Variants in ELP3 observed in about 807,000 individuals in gnomAD.
The protein encoded by ELP3 is elongator acetyltransferase complex subunit 3, also known as elongator complex protein 3.
A neutral mutation model predicts 74.9 loss-of-function variants in ELP3; 56 were observed. That is an observed-to-expected ratio of 0.75 (90% CI 0.60 to 0.93). ELP3 has a LOEUF of 0.93. Ranked by LOEUF, ELP3 falls within the 40% of genes least tolerant of loss-of-function variation. The pLI is 0.00. For synonymous variants in ELP3, 222 were observed against 239.8 expected (o/e 0.93, Z 0.68); for missense variants, 573 against 686.5 (o/e 0.83, Z 1.85).
intron 7 of ELP3, among the ~76,000 whole-genome samples, chr8:28,117,441 C>T (rs1443618474): frequency 2.0e-5 from 3 of 152,082 alleles, no homozygotes; most frequent in Admixed American, 6.6e-5. Context: ...GTAGAAAAAG[C>T]CCTGTGGAAG....
At chr8:28,169,416 C>G (rs1814431615) in intron 14 of ELP3, among the ~76,000 whole-genome samples, 2 of 152,170 alleles carry the variant, frequency 1.3e-5, no homozygotes, top group Admixed American at 1.3e-4. Context: ...AGGGCCTCAG[C>G]TGGGGTGGCT....
chr8:28,182,522 T>C (rs1815056833), intron 14 of ELP3, among the ~76,000 whole-genome samples: 1 of 152,116 alleles, frequency 6.6e-6, no homozygotes, highest in Non-Finnish European at 1.5e-5. Flanking sequence ...GATCACGCCA[T>C]TGCACTCCAG....
chr8:28,167,893 A>G, intron 14 of ELP3, among the ~76,000 whole-genome samples: 1 of 152,366 alleles, frequency 6.6e-6, no homozygotes, highest in East Asian at 1.9e-4. Flanking sequence ...CAATGGATAC[A>G]ATATAAAGTA....
chr8:28,090,805 T>A (rs1811031907), upstream of ELP3, among the ~76,000 whole-genome samples: 1 of 152,032 alleles, frequency 6.6e-6, no homozygotes, highest in Non-Finnish European at 1.5e-5. Flanking sequence ...CAGAAAGGAA[T>A]GTCTGGGTTA....
chr8:28,098,579 A>C (rs1811348413), intron 2 of ELP3, among the ~76,000 whole-genome samples: 1 of 152,110 alleles, frequency 6.6e-6, no homozygotes, highest in South Asian at 2.1e-4. Context: ...AATTTAGCAC[A>C]TCTAAAGCTA....
upstream of ELP3, among the ~76,000 whole-genome samples, chr8:28,092,670 G>A (rs1432869989): frequency 1.0e-4 from 15 of 148,378 alleles, no homozygotes; most frequent in Non-Finnish European, 2.2e-4. Flanking sequence ...GTGACCACCT[G>A]GTCCCAAAGC....
rs1585693353 is a variant in ELP3, at chr8:28,137,893, T to A, written c.1100+2T>A. The stretch of plus-strand genomic sequence containing the variant: ...GACTCGAGTGTACCGAGTACAGAGG[T>A]AGTGTGTTATCTTTTATTCCTAAAA... On this transcript the variant is annotated splice_donor_variant, in intron 10 of 14. Coordinates refer to ENST00000256398, the MANE Select transcript of ELP3 (RefSeq NM_018091.6). LOFTEE classifies it high-confidence loss of function. 1.3e-6 allele frequency: 2 copies of A among 1,581,530 alleles called. No individual in the cohort carries two copies.
intron 10 of ELP3, among the ~76,000 whole-genome samples, chr8:28,139,746 A>T (rs1585696813): frequency 6.6e-6 from 1 of 152,126 alleles, no homozygotes; most frequent in African/African-American, 2.4e-5. Context: ...GGAGTTCGAG[A>T]CCAGCCTGGC....
chr8:28,163,083 C>G (rs1334941290), intron 14 of ELP3, among the ~76,000 whole-genome samples: 1 of 152,184 alleles, frequency 6.6e-6, no homozygotes, highest in Non-Finnish European at 1.5e-5. Flanking sequence ...CATTCCTTAT[C>G]TAGGACAGCA....
chr8:28,151,511 C>T (rs1018529853), intron 10 of ELP3, among the ~76,000 whole-genome samples: 2 of 152,100 alleles, frequency 1.3e-5, no homozygotes, highest in East Asian at 1.9e-4. Flanking sequence ...TCTTCATAGT[C>T]GGACATATAA....
At chr8:28,178,835 G>T (rs187971144) in intron 14 of ELP3, among the ~76,000 whole-genome samples, 2 of 152,224 alleles carry the variant, frequency 1.3e-5, no homozygotes, top group South Asian at 4.1e-4. Flanking sequence ...TTTAATTTGC[G>T]TTCCCTGATA....
chr8:28,186,472 GAAGAC>G (rs1051807644), intron 14 of ELP3, among the ~76,000 whole-genome samples: 2 of 152,184 alleles, frequency 1.3e-5, no homozygotes, highest in African/African-American at 4.8e-5. Flanking sequence ...CAGCCCCTTG[GAAGAC>G]AACTGCCCCC....
intron 9 of ELP3, among the ~76,000 whole-genome samples, chr8:28,134,731 C>T (rs1812914803): frequency 6.6e-6 from 1 of 152,116 alleles, no homozygotes; most frequent in African/African-American, 2.4e-5. Context: ...GCACCTTGGT[C>T]TTGTATTGTG....
intron 1 of ELP3, 96 bp downstream of exon 1, chr8:28,093,329 C>T (rs1811119379): frequency 6.5e-7 from 1 of 1,533,874 alleles, no homozygotes; most frequent in East Asian, 2.3e-5. Context: ...CGCGAGAATC[C>T]GCTACCCAGT....
chr8:28,096,628 A>G (rs1318384704), intron 1 of ELP3, among the ~76,000 whole-genome samples: 1 of 152,204 alleles, frequency 6.6e-6, no homozygotes, highest in Non-Finnish European at 1.5e-5. Flanking sequence ...TTGCCTTTGG[A>G]TGAGACCGAG....
intron 14 of ELP3, among the ~76,000 whole-genome samples, chr8:28,183,616 G>C (rs1815109905): frequency 6.6e-6 from 1 of 152,070 alleles, no homozygotes; most frequent in Non-Finnish European, 1.5e-5. Context: ...GTAGAGACAG[G>C]GTTTTGCCAT....
chr8:28,169,904 CGTG>C (rs1814452766), intron 14 of ELP3, among the ~76,000 whole-genome samples: 1 of 152,038 alleles, frequency 6.6e-6, no homozygotes, highest in Non-Finnish European at 1.5e-5. Context: ...CGCCATCCCT[CGTG>C]GGCCCATTTA....
intron 1 of ELP3, among the ~76,000 whole-genome samples, chr8:28,095,121 A>G (rs997075120): frequency 2.0e-5 from 3 of 152,216 alleles, no homozygotes; most frequent in South Asian, 2.1e-4. Context: ...TCACACAAAG[A>G]TAGGTAATTC....
intron 1 of ELP3, among the ~76,000 whole-genome samples, chr8:28,095,073 CCT>C (rs1295627635): frequency 1.3e-5 from 2 of 152,248 alleles, no homozygotes; most frequent in East Asian, 3.9e-4. Context: ...TTTATTACAC[CCT>C]GTTAGAAAGC....
Sources: gnomAD v4.1 joint callset for allele counts (sites outside exome capture counted in the v4.1 genomes callset) on GRCh38, gnomAD v4.1.1 for gene constraint, MANE v1.5 for transcripts, NCBI Gene and HGNC (gene_info 2026-07-23, HGNC 2026-07-21) for gene names.